The following CNGB1 variants were observed in gnomAD, a reference collection of about 807,000 sequenced individuals.
The protein encoded by CNGB1 is cyclic nucleotide-gated channel beta-1.
A neutral mutation model predicts 151.7 loss-of-function variants in CNGB1; 126 were observed. That is an observed-to-expected ratio of 0.83 (90% CI 0.72 to 0.96). CNGB1 has a LOEUF of 0.96. CNGB1 is among the 40% of genes least tolerant of loss of function. The pLI is 0.00. For missense variants in CNGB1, 1,698 were observed against 1,627.0 expected, an observed-to-expected ratio of 1.04 and a Z score of -0.75; for synonymous variants, 623 against 635.1, an observed-to-expected ratio of 0.98 and a Z score of 0.29.
intron 31 of CNGB1, 143 bp from the exon 32 acceptor site, chr16:57,888,217 C>T (rs1481283336): frequency 7.2e-6 from 6 of 832,098 alleles, no homozygotes; most frequent in African/African-American, 5.0e-5. Context: ...CTGGGCCAAG[C>T]GTCGTGTTAA....
intron 12 of CNGB1, among the ~76,000 whole-genome samples, chr16:57,956,964 C>T (rs1323362821): frequency 6.6e-6 from 1 of 152,200 alleles, no homozygotes; most frequent in African/African-American, 2.4e-5. Flanking sequence ...TGAGACCCCA[C>T]CCCTCTCCCT....
At chr16:57,962,462 G>A in intron 7 of CNGB1, 103 bp downstream of exon 7, 1 of 1,027,096 alleles carries the variant, frequency 9.7e-7, no homozygotes, top group Non-Finnish European at 1.5e-6. Context: ...GCATGTCCAA[G>A]GTCACACCCT....
intron 12 of CNGB1, among the ~76,000 whole-genome samples, chr16:57,952,197 G>C (rs1481118353): frequency 1.3e-5 from 2 of 152,248 alleles, no homozygotes; most frequent in Admixed American, 1.3e-4. Context: ...CAAAGGGCAG[G>C]AACAGTACTT....
chr16:57,920,918 T>A (rs1386591598), intron 18 of CNGB1, among the ~76,000 whole-genome samples: 2 of 152,158 alleles, frequency 1.3e-5, no homozygotes, highest in Non-Finnish European at 2.9e-5. Context: ...GAGATATGTG[T>A]CCAGGGGCAG....
At chr16:57,955,383 A>AAGACAGGGTGGGTGGCTGGGT in intron 12 of CNGB1, 1 of 1,550,902 alleles carries the variant, frequency 6.4e-7, no homozygotes, top group Non-Finnish European at 8.7e-7. Flanking sequence ...AACAAAGGAG[A>AAGACAGGGTGGGTGGCTGGGT]AGACAGGGTG....
At chr16:57,938,683 T>C (rs1230403143) in intron 16 of CNGB1, among the ~76,000 whole-genome samples, 1 of 152,170 alleles carries the variant, frequency 6.6e-6, no homozygotes, top group Non-Finnish European at 1.5e-5. Flanking sequence ...GCCTCAGTTT[T>C]CTCATCTGTA....
intron 29 of CNGB1, 52 bp from the exon 30 acceptor site, chr16:57,897,966 G>A: frequency 6.3e-7 from 1 of 1,585,796 alleles, no homozygotes; most frequent in Non-Finnish European, 8.7e-7. Flanking sequence ...AGTCACCAGA[G>A]AAGCAGCCAG....
intron 29 of CNGB1, among the ~76,000 whole-genome samples, chr16:57,898,560 C>T (rs1015961289): frequency 1.3e-4 from 20 of 151,964 alleles, no homozygotes; most frequent in Non-Finnish European, 2.8e-4. Context: ...GGATTACAAG[C>T]ATGTGCCACC....
chr16:57,953,160 C>T (rs1371804153), intron 12 of CNGB1, among the ~76,000 whole-genome samples: 1 of 152,206 alleles, frequency 6.6e-6, no homozygotes, highest in Non-Finnish European at 1.5e-5. Flanking sequence ...GGCCTCTCTG[C>T]CCTCAGGGCC....
At chr16:57,920,634 C>A in intron 18 of CNGB1, 90 bp from the exon 19 acceptor site, 3 of 1,524,456 alleles carry the variant, frequency 2.0e-6, no homozygotes, top group Admixed American at 3.4e-5. Context: ...TGTGTCCCAC[C>A]TTCTGACAGA....
At chr16:57,949,876 C>T (rs1961906155) in intron 13 of CNGB1, among the ~76,000 whole-genome samples, 2 of 152,252 alleles carry the variant, frequency 1.3e-5, no homozygotes, top group East Asian at 3.8e-4. Context: ...CTCTAGAAAT[C>T]TCCTGCAGAC....
chr16:57,967,196 G>A lies in CNGB1; in HGVS notation c.91C>T (p.Pro31Ser). 4 of 1,614,102 alleles carry A rather than the reference G, an allele frequency of 2.5e-6. No homozygotes were observed. The highest frequency in any genetic ancestry group is 3.4e-6 in the Non-Finnish European group (4 of 1,180,018). Residue 31 changes from proline to serine, a missense_variant, in exon 2 of 33, where the codon CCA becomes TCA. By Grantham distance (74) the Pro-to-Ser change is moderately conservative (BLOSUM62 -1). Coordinates refer to ENST00000251102, the MANE Select transcript of CNGB1 (RefSeq NM_001297.5). ...GGTTCCACCTCCGCCTCCATCTCTGGCTCTGGTTCCACTTCCTCTTCCTCC... is the reference window on the plus strand; with the variant it reads ...GGTTCCACCTCCGCCTCCATCTCTGACTCTGGTTCCACTTCCTCTTCCTCC... The part of the protein sequence containing the change: ...MQEEEEVEPE[P>S]EMEAEVEPEP...
At position 57,884,078 on chromosome 16, in the gene CNGB1, G is replaced by C; in HGVS notation, c.*86C>G. ...AAGCATCTTCTCTTGAGCCGTGGGG[G>C]AAGGTGGGGCGCTGGGGCGCAGGGG... On this transcript the variant is annotated 3_prime_UTR_variant, in exon 33 of 33. Coordinates refer to ENST00000251102, the MANE Select transcript of CNGB1 (RefSeq NM_001297.5). 1 of 1,584,656 alleles carries C rather than the reference G, an allele frequency of 6.3e-7. No individual in the cohort carries two copies. The highest frequency in any genetic ancestry group is 8.7e-7 in the Non-Finnish European group (1 of 1,153,776).
At chr16:57,887,812 CAT>C in intron 32 of CNGB1, 41 bp downstream of exon 32, 1 of 1,591,572 alleles carries the variant, frequency 6.3e-7, no homozygotes, top group Non-Finnish European at 8.6e-7. Context: ...CTCCCTGACA[CAT>C]ATTGAAATGA....
At chr16:57,965,073 T>C (rs1962356958) in intron 2 of CNGB1, among the ~76,000 whole-genome samples, 1 of 152,048 alleles carries the variant, frequency 6.6e-6, no homozygotes, top group Non-Finnish European at 1.5e-5. Context: ...TATGTGTATG[T>C]ACAAACAAAT....
intron 22 of CNGB1, among the ~76,000 whole-genome samples, chr16:57,915,626 C>T (rs979514341): frequency 2.0e-5 from 3 of 152,124 alleles, no homozygotes; most frequent in Non-Finnish European, 2.9e-5. Flanking sequence ...TGGCCAGGCA[C>T]GGTGGCTTAT....
intron 16 of CNGB1, 100 bp downstream of exon 16, chr16:57,939,330 A>T: frequency 6.5e-7 from 1 of 1,530,642 alleles, no homozygotes; most frequent in South Asian, 1.1e-5. Flanking sequence ...AAGGAGATGG[A>T]GGGAGAGGAG....
At chr16:57,964,011 C>A in intron 4 of CNGB1, 119 bp downstream of exon 4, 1 of 910,290 alleles carries the variant, frequency 1.1e-6, no homozygotes, top group Non-Finnish European at 1.7e-6. Context: ...GGGCTTTCCC[C>A]AGAATGACAG....
intron 17 of CNGB1, among the ~76,000 whole-genome samples, chr16:57,924,774 T>A (rs1961141663): frequency 6.6e-6 from 1 of 152,078 alleles, no homozygotes; most frequent in South Asian, 2.1e-4. Context: ...CATCCCCCCT[T>A]GGTACTGTAT....
Sources: gnomAD v4.1 joint callset for allele counts (sites outside exome capture counted in the v4.1 genomes callset) on GRCh38, gnomAD v4.1.1 for gene constraint, MANE v1.5 for transcripts, NCBI Gene and HGNC (gene_info 2026-07-23, HGNC 2026-07-21) for gene names.